Variants in IKZF2 observed in about 807,000 individuals in gnomAD.
The protein encoded by IKZF2 is zinc finger protein Helios.
Under a neutral mutation model 49.2 loss-of-function variants are expected in IKZF2, and 15 were observed. That is an observed-to-expected ratio of 0.30 (90% CI 0.20 to 0.47). IKZF2 has a LOEUF of 0.47. IKZF2 is among the 20% of genes least tolerant of loss of function. The probability of loss-of-function intolerance (pLI) is 1.00; values close to 1 mark genes in which losing one functional copy is unlikely to be tolerated. For synonymous variants in IKZF2, 227 were observed against 221.4 expected (o/e 1.03, Z -0.23); for missense variants, 567 against 664.6 (o/e 0.85, Z 1.61).
chr2:213,014,801 C>T (rs759412137), intron 7 of IKZF2: 2 of 151,968 alleles, frequency 1.3e-5, no homozygotes, highest in Non-Finnish European at 2.9e-5. Context: ...AGGGTAACAA[C>T]TCAGACAAGG....
chr2:213,061,130 A>C (rs1002084179), intron 4 of IKZF2, among the ~76,000 whole-genome samples: 1 of 151,626 alleles, frequency 6.6e-6, no homozygotes, highest in Non-Finnish European at 1.5e-5. Context: ...AGACACTTGC[A>C]CAGATACTCT....
chr2:213,083,631 AC>A (rs1346222781), intron 4 of IKZF2, among the ~76,000 whole-genome samples: 2 of 146,074 alleles, frequency 1.4e-5, no homozygotes, highest in Non-Finnish European at 3.0e-5. Context: ...CAAACTCTCA[AC>A]CTCAGGTGAT....
chr2:213,119,526 A>T (rs1352452878), intron 4 of IKZF2, among the ~76,000 whole-genome samples: 1 of 152,228 alleles, frequency 6.6e-6, no homozygotes, highest in Admixed American at 6.5e-5. Context: ...AGGAGGAAAA[A>T]AAAGAAAGGA....
chr2:213,056,905 G>A lies in IKZF2; in HGVS notation c.334C>T (p.Leu112=). 1 of 1,613,830 alleles carries A rather than the reference G, an allele frequency of 6.2e-7. No homozygotes were observed. The highest frequency in any genetic ancestry group is 8.5e-7 in the Non-Finnish European group (1 of 1,179,900). ...ACCATGCCACAGACGTCACATTTCA[G>A]TTTACCATTCGGAAGCCGGATTCCT... The part of the protein sequence containing the change: ...EGGIRLPNGK[L]KCDVCGMVCI... The change falls in exon 5 of 9, where the codon CTG becomes TTG. Residue 112 remains leucine, a synonymous_variant. Coordinates refer to ENST00000434687, the MANE Select transcript of IKZF2 (RefSeq NM_001387220.1).
chr2:213,016,771 G>A (rs921819333), intron 7 of IKZF2, among the ~76,000 whole-genome samples: 1 of 152,014 alleles, frequency 6.6e-6, no homozygotes, highest in African/African-American at 2.4e-5. Flanking sequence ...AAAACCATAA[G>A]TGTATTCCCA....
intron 4 of IKZF2, among the ~76,000 whole-genome samples, chr2:213,086,188 A>G (rs762600768): frequency 6.6e-6 from 1 of 152,202 alleles, no homozygotes; most frequent in Non-Finnish European, 1.5e-5. Context: ...ATGTTCAGCA[A>G]TATTCAACAA....
intron 4 of IKZF2, among the ~76,000 whole-genome samples, chr2:213,110,823 C>T (rs190409375): frequency 6.6e-6 from 1 of 152,028 alleles, no homozygotes; most frequent in Admixed American, 6.6e-5. Context: ...CAGTTTTTTG[C>T]TAATATAATG....
intron 4 of IKZF2, among the ~76,000 whole-genome samples, chr2:213,094,930 G>A (rs549667938): frequency 3.3e-5 from 5 of 152,214 alleles, no homozygotes; most frequent in African/African-American, 9.6e-5. Context: ...AGGGGAGAGT[G>A]TTATATTAAT....
upstream of IKZF2, among the ~76,000 whole-genome samples, chr2:213,151,931 T>C (rs901122263): frequency 6.6e-6 from 1 of 151,216 alleles, no homozygotes; most frequent in African/African-American, 2.4e-5. Context: ...CGGCAATCGA[T>C]TACAGGACAA....
At position 213,021,951 on chromosome 2, in the gene IKZF2, C is replaced by T. The variant is rs767127241; in HGVS notation, c.712+42G>A. The T allele has an allele frequency of 7.6e-6, 12 of 1,575,010 alleles. No homozygotes were observed. In the South Asian group the frequency reaches 1.4e-4, roughly 19 times the overall value. On this transcript the variant is annotated intron_variant, in intron 7 of 8. Transcript: ENST00000434687. ...TTATCTTCATGTTGAACTACAAAAG[C>T]AGTAGGGGGAAATAAAAATGATGAA...
chr2:213,107,251 T>C (rs1047760396), intron 4 of IKZF2, among the ~76,000 whole-genome samples: 2 of 152,186 alleles, frequency 1.3e-5, no homozygotes, highest in African/African-American at 2.4e-5. Context: ...CCCTTGCCCA[T>C]GAGAACTTTA....
chr2:213,109,873 G>C (rs1006155427), intron 4 of IKZF2, among the ~76,000 whole-genome samples: 1 of 151,828 alleles, frequency 6.6e-6, no homozygotes, highest in African/African-American at 2.4e-5. Context: ...TTGTACAACT[G>C]GTGTTTTAAA....
intron 5 of IKZF2, among the ~76,000 whole-genome samples, chr2:213,055,115 A>T (rs912442706): frequency 1.3e-5 from 2 of 152,056 alleles, no homozygotes; most frequent in African/African-American, 2.4e-5. Context: ...TTAACATTGC[A>T]TGCAATTCAA....
intron 3 of IKZF2, 68 bp from the exon 4 acceptor site, chr2:213,147,880 CT>C: frequency 8.5e-7 from 1 of 1,179,250 alleles, no homozygotes. Context: ...ACTAACTTTG[CT>C]TTATACACGC....
chr2:213,143,164 G>A (rs1574991628), intron 4 of IKZF2, among the ~76,000 whole-genome samples: 1 of 151,862 alleles, frequency 6.6e-6, no homozygotes, highest in Non-Finnish European at 1.5e-5. Flanking sequence ...TAGGAGAGAA[G>A]AGCACGGAAC....
In IKZF2 at chr2:213,147,671, C is replaced by A. The variant is rs770291246; in HGVS notation, c.139+37G>T. ...ATTAAAGTCTGTTGCTGGAGAGACA[C>A]ACACACACAAAAAAAAATCATAAAA... On this transcript the variant is annotated intron_variant, in intron 4 of 8. Transcript: ENST00000434687. 1.6e-5 allele frequency: 23 copies of A among 1,469,460 alleles called. No individual in the cohort carries two copies. In the East Asian group the frequency reaches 5.2e-4, roughly 33 times the overall value. The allele number at this position is 1,469,460 out of a possible 1,614,324, so 91.0% of individuals were successfully genotyped here. A position where few individuals can be genotyped will look rare whatever the true frequency, so the allele number is the denominator to read the frequency against.
intron 4 of IKZF2, among the ~76,000 whole-genome samples, chr2:213,060,088 G>T (rs1269410013): frequency 2.0e-5 from 3 of 151,192 alleles, no homozygotes; most frequent in Admixed American, 2.0e-4. Flanking sequence ...CAAAATCCCA[G>T]TGTAACTAAT....
At chr2:213,051,823 T>C (rs1209139500) in intron 5 of IKZF2, among the ~76,000 whole-genome samples, 1 of 151,916 alleles carries the variant, frequency 6.6e-6, no homozygotes, top group Non-Finnish European at 1.5e-5. Flanking sequence ...CTACGTAAGG[T>C]TTCCCAAGCA....
chr2:213,021,298 T>C (rs932916004), intron 7 of IKZF2, among the ~76,000 whole-genome samples: 1 of 152,150 alleles, frequency 6.6e-6, no homozygotes, highest in African/African-American at 2.4e-5. Context: ...TTTGTCTTTG[T>C]ATAAATAAAA....
Sources: gnomAD v4.1 joint callset for allele counts (sites outside exome capture counted in the v4.1 genomes callset) on GRCh38, gnomAD v4.1.1 for gene constraint, MANE v1.5 for transcripts, NCBI Gene and HGNC (gene_info 2026-07-23, HGNC 2026-07-21) for gene names.